The following SMIM14 variants were observed in gnomAD, a reference collection of about 807,000 sequenced individuals.
The protein encoded by SMIM14 is small integral membrane protein 14, also known as chromosome 4 open reading frame 34.
SMIM14 carries 5 observed loss-of-function variants against 12.6 expected under a neutral mutation model. That is an observed-to-expected ratio of 0.40 (90% CI 0.21 to 0.83). The LOEUF is 0.83. SMIM14 is among the 40% of genes least tolerant of loss of function. The pLI, the probability that SMIM14 is intolerant of heterozygous loss-of-function variation, is 0.37. For synonymous variants in SMIM14, 30 were observed against 40.1 expected, an observed-to-expected ratio of 0.75 and a Z score of 0.95; for missense variants, 86 against 119.1, an observed-to-expected ratio of 0.72 and a Z score of 1.29.
chr4:39,631,945 A>C (rs1018851155), intron 1 of SMIM14, among the ~76,000 whole-genome samples: 4 of 152,128 alleles, frequency 2.6e-5, no homozygotes, highest in African/African-American at 9.7e-5. Context: ...TGAAAATTCA[A>C]TATGAAAATA....
chr4:39,597,838 C>T lies in SMIM14; in HGVS notation c.75+7233G>A, dbSNP rs28579038. On this transcript the variant is annotated intron_variant, in intron 2 of 4. Coordinates refer to ENST00000295958, the MANE Select transcript of SMIM14 (RefSeq NM_174921.3). Reference sequence around the variant, plus strand: ...ACTACTTTGCCTGTTTTTCTGCTCACATTAATGAAGGACTAGCTCAATGAA... The same window carrying T: ...ACTACTTTGCCTGTTTTTCTGCTCATATTAATGAAGGACTAGCTCAATGAA... Among the ~76,000 whole-genome samples, 691 of 152,270 alleles carry T rather than the reference C, an allele frequency of 4.5e-3. 5 individuals are homozygous for T. The highest frequency in any genetic ancestry group is 0.016 in the African/African-American group (656 of 41,554).
At chr4:39,556,182 G>A (rs1255773326) in intron 4 of SMIM14, among the ~76,000 whole-genome samples, 1 of 151,200 alleles carries the variant, frequency 6.6e-6, no homozygotes. Flanking sequence ...AAAAAGGATT[G>A]GAATTCATTT....
At chr4:39,616,288 A>T (rs1226222740) in intron 1 of SMIM14, among the ~76,000 whole-genome samples, 4 of 152,132 alleles carry the variant, frequency 2.6e-5, no homozygotes, top group Non-Finnish European at 5.9e-5. Context: ...GGCGTGTGCC[A>T]CCATACCTGG....
At chr4:39,556,128 A>T (rs1235719417) in intron 4 of SMIM14, among the ~76,000 whole-genome samples, 1 of 151,686 alleles carries the variant, frequency 6.6e-6, no homozygotes, top group African/African-American at 2.4e-5. Flanking sequence ...GCACCAGTGC[A>T]GTCCAGCCTG....
chr4:39,583,968 C>T (rs912481986), intron 2 of SMIM14: 7 of 152,066 alleles, frequency 4.6e-5, no homozygotes, highest in African/African-American at 1.5e-4. Flanking sequence ...ATTGCTAGAA[C>T]ACAAGTATGC....
chr4:39,555,770 T>C (rs1433896674), intron 4 of SMIM14, among the ~76,000 whole-genome samples: 1 of 152,056 alleles, frequency 6.6e-6, no homozygotes, highest in Non-Finnish European at 1.5e-5. Context: ...AGGCTCAGTG[T>C]CTCTACTGAA....
At chr4:39,577,070 T>C (rs1713234931) in intron 2 of SMIM14, among the ~76,000 whole-genome samples, 1 of 121,154 alleles carries the variant, frequency 8.3e-6, no homozygotes, top group South Asian at 3.5e-4. Flanking sequence ...TATATAATAT[T>C]TGATATATTT....
At chr4:39,578,162 T>G (rs1713299353) in intron 2 of SMIM14, among the ~76,000 whole-genome samples, 1 of 152,212 alleles carries the variant, frequency 6.6e-6, no homozygotes, top group South Asian at 2.1e-4. Flanking sequence ...TTGTTTGTTT[T>G]TTAAGAAACA....
intron 4 of SMIM14, among the ~76,000 whole-genome samples, chr4:39,554,476 C>T (rs1010018394): frequency 7.9e-5 from 12 of 151,954 alleles, no homozygotes; most frequent in Admixed American, 3.9e-4. Flanking sequence ...GATGTGGTGG[C>T]GTGCACCTGT....
intron 2 of SMIM14, chr4:39,593,360 A>G (rs1185885943): frequency 1.2e-4 from 19 of 152,236 alleles, no homozygotes; most frequent in Admixed American, 1.2e-3. Context: ...ACAACCCTTC[A>G]TGCTAAAAAC....
chr4:39,634,096 T>C (rs1289158550), intron 1 of SMIM14, among the ~76,000 whole-genome samples: 1 of 152,066 alleles, frequency 6.6e-6, no homozygotes, highest in Non-Finnish European at 1.5e-5. Context: ...ACCCAGCTAA[T>C]TTTTGTATTT....
intron 1 of SMIM14, among the ~76,000 whole-genome samples, chr4:39,637,673 A>T (rs899097644): frequency 6.6e-6 from 1 of 152,096 alleles, no homozygotes; most frequent in Non-Finnish European, 1.5e-5. Context: ...GGAGAGCGGC[A>T]AGTTCGGAGC....
intron 1 of SMIM14, among the ~76,000 whole-genome samples, chr4:39,632,149 T>A (rs906413912): frequency 7.3e-5 from 11 of 151,588 alleles, no homozygotes; most frequent in African/African-American, 1.5e-4. Flanking sequence ...TAAAAAAAAA[T>A]GGAAAAATGC....
intron 1 of SMIM14, among the ~76,000 whole-genome samples, chr4:39,612,976 A>C (rs952374842): frequency 6.6e-6 from 1 of 152,262 alleles, no homozygotes; most frequent in African/African-American, 2.4e-5. Context: ...GAAATTTAAG[A>C]AAGCACAAGC....
chr4:39,591,614 G>C (rs1714085199), intron 2 of SMIM14, among the ~76,000 whole-genome samples: 1 of 152,008 alleles, frequency 6.6e-6, no homozygotes, highest in Non-Finnish European at 1.5e-5. Context: ...GGAGTGCAGT[G>C]GTGTGATATC....
Position 39,551,872 on chromosome 4 carries a change from C to A in SMIM14, c.*254G>T. On this transcript the variant is annotated 3_prime_UTR_variant, in exon 5 of 5. Coordinates refer to ENST00000295958, the MANE Select transcript of SMIM14 (RefSeq NM_174921.3). The stretch of plus-strand genomic sequence containing the variant: ...GAGTGGAATGTTTGTAAGTTTAGGA[C>A]AACCAAAAAAGCCCCATGTAACTTT... 6.5e-6 allele frequency: 2 copies of A among 309,048 alleles called. No individual in the cohort carries two copies. The highest frequency in any genetic ancestry group is 4.9e-5 in the Admixed American group (1 of 20,276). 19.1% of individuals were successfully genotyped at this position (309,048 alleles called of 1,614,324 possible). A position where few individuals can be genotyped will look rare whatever the true frequency, so the allele number is the denominator to read the frequency against.
At chr4:39,563,723 G>T (rs1172431048) in intron 3 of SMIM14, among the ~76,000 whole-genome samples, 1 of 152,066 alleles carries the variant, frequency 6.6e-6, no homozygotes, top group Non-Finnish European at 1.5e-5. Context: ...TGCCTTCTCT[G>T]GACTAGTATA....
rs1711647444 is a variant in SMIM14 at position 39,550,736 on chromosome 4, G to C, written c.*1390C>G. The stretch of plus-strand genomic sequence containing the variant: ...CCATCACCAAACAGGAATGAGATAA[G>C]GAGTGAAAAAAAGATGTATGTTTCT... On this transcript the variant is annotated 3_prime_UTR_variant, in exon 5 of 5. Transcript: ENST00000295958. The C allele has an allele frequency of 6.6e-6, 1 of 151,962 alleles. No individual in the cohort carries two copies. The highest frequency in any genetic ancestry group is 6.5e-5 in the Admixed American group (1 of 15,268). The allele number at this position is 151,962 out of a possible 1,614,324, so 9.4% of individuals were successfully genotyped here. A position where few individuals can be genotyped will look rare whatever the true frequency, so the allele number is the denominator to read the frequency against.
intron 2 of SMIM14, among the ~76,000 whole-genome samples, chr4:39,592,029 CA>C (rs35570878): frequency 0.26 from 39,280 of 150,244 alleles, 5,612 homozygotes; most frequent in East Asian, 0.39. Context: ...CCCATCTCTA[CA>C]AAAAAAAATA....
Sources: gnomAD v4.1 joint callset for allele counts (sites outside exome capture counted in the v4.1 genomes callset) on GRCh38, gnomAD v4.1.1 for gene constraint, MANE v1.5 for transcripts, NCBI Gene and HGNC (gene_info 2026-07-23, HGNC 2026-07-21) for gene names.